The following TOP6BL variants were observed in gnomAD, a reference collection of about 807,000 sequenced individuals.
The protein encoded by TOP6BL is TOP6B like initiator of meiotic double strand breaks.
chr11:66,747,029 C>T, the TOP6BL span, among the ~76,000 whole-genome samples: 1 of 151,994 alleles, frequency 6.6e-6, no homozygotes. Flanking sequence ...CTCCACCTCC[C>T]GAGTTCAAGC....
the TOP6BL span, chr11:66,804,296 A>T: frequency 1.0e-5 from 10 of 963,270 alleles, no homozygotes; most frequent in Non-Finnish European, 1.5e-5. Context: ...ACAAATATAT[A>T]TGATTTGTAT....
chr11:66,795,500 C>T, the TOP6BL span, among the ~76,000 whole-genome samples: 1 of 151,964 alleles, frequency 6.6e-6, no homozygotes, highest in Non-Finnish European at 1.5e-5. Context: ...TGGGGTTTCA[C>T]CATTTTGGCC....
chr11:66,772,125 G>T, the TOP6BL span, among the ~76,000 whole-genome samples: 1 of 152,160 alleles, frequency 6.6e-6, no homozygotes. Flanking sequence ...GGATGACTTT[G>T]AGGGGTTCAG....
At chr11:66,804,318 A>G in the TOP6BL span, 1 of 879,958 alleles carries the variant, frequency 1.1e-6, no homozygotes, top group East Asian at 2.8e-5. Flanking sequence ...AAAACATATA[A>G]TCTAATGTGA....
At chr11:66,815,883 T>C in the TOP6BL span, 4 of 569,504 alleles carry the variant, frequency 7.0e-6, no homozygotes, top group Admixed American at 6.7e-5. Flanking sequence ...GTCATTATGA[T>C]TTGCTTCCAT....
At chr11:66,789,007 A>T in the TOP6BL span, among the ~76,000 whole-genome samples, 2 of 152,158 alleles carry the variant, frequency 1.3e-5, no homozygotes, top group South Asian at 2.1e-4. Flanking sequence ...TAATCTTAAT[A>T]ACCTCCTGAG....
the TOP6BL span, among the ~76,000 whole-genome samples, chr11:66,805,517 G>A: frequency 1.3e-5 from 2 of 151,332 alleles, no homozygotes; most frequent in Middle Eastern, 3.2e-3. Context: ...GCCAGAGTGC[G>A]GTGACACAAT....
chr11:66,838,692 G>A, the TOP6BL span, among the ~76,000 whole-genome samples: 1 of 152,066 alleles, frequency 6.6e-6, no homozygotes, highest in African/African-American at 2.4e-5. Context: ...ATGATGGGGT[G>A]GGGGTAGGTA....
At chr11:66,801,307 C>T in the TOP6BL span, 7 of 585,624 alleles carry the variant, frequency 1.2e-5, no homozygotes, top group Admixed American at 3.0e-5. Flanking sequence ...TTCTAAATGA[C>T]CTGAAGACAT....
chr11:66,842,318 C>T, the TOP6BL span, among the ~76,000 whole-genome samples: 1 of 152,248 alleles, frequency 6.6e-6, no homozygotes, highest in African/African-American at 2.4e-5. Context: ...TCTGCATCCC[C>T]TCCTAGCATC....
the TOP6BL span, chr11:66,813,973 C>T: frequency 6.2e-7 from 1 of 1,613,678 alleles, no homozygotes; most frequent in Non-Finnish European, 8.5e-7. Context: ...GAAAAAATAC[C>T]ATTTGTGTAT....
the TOP6BL span, chr11:66,761,879 G>A: frequency 9.8e-7 from 1 of 1,024,354 alleles, no homozygotes; most frequent in Non-Finnish European, 1.6e-6. Flanking sequence ...CCAGCACAAG[G>A]GCCTTCTTGC....
chr11:66,825,226 GT>G, the TOP6BL span, among the ~76,000 whole-genome samples: 1 of 149,820 alleles, frequency 6.7e-6, no homozygotes, highest in East Asian at 2.0e-4. Flanking sequence ...TGTAAGTAAT[GT>G]CAACACTTTG....
At chr11:66,839,499 C>T in the TOP6BL span, among the ~76,000 whole-genome samples, 1 of 152,190 alleles carries the variant, frequency 6.6e-6, no homozygotes, top group African/African-American at 2.4e-5. Context: ...GGGATCGTGA[C>T]GTCAGCACCT....
chr11:66,824,166 A>C, the TOP6BL span, among the ~76,000 whole-genome samples: 2 of 152,104 alleles, frequency 1.3e-5, no homozygotes, highest in African/African-American at 4.8e-5. Flanking sequence ...CCGAACTGAT[A>C]ATATTAGGAG....
At chr11:66,828,444 C>A in the TOP6BL span, 1 of 1,070,252 alleles carries the variant, frequency 9.3e-7, no homozygotes, top group Non-Finnish European at 1.4e-6. Flanking sequence ...TGGGTAGGTA[C>A]AAGTGTTTCA....
the TOP6BL span, among the ~76,000 whole-genome samples, chr11:66,841,682 A>AGGT: frequency 9.2e-3 from 1,396 of 152,276 alleles, 21 homozygotes; most frequent in African/African-American, 0.031. Context: ...TAGCCAGGCA[A>AGGT]GGTGGTGTGT....
chr11:66,777,439 GA>G, the TOP6BL span, among the ~76,000 whole-genome samples: 4 of 152,074 alleles, frequency 2.6e-5, no homozygotes, highest in Non-Finnish European at 4.4e-5. Context: ...TGGTTATTCT[GA>G]ATACACAGTT....
chr11:66,839,002 A>G, the TOP6BL span: 2 of 395,890 alleles, frequency 5.1e-6, no homozygotes, highest in Non-Finnish European at 1.0e-5. Flanking sequence ...AAGTGCTGGG[A>G]TTACAGGCGT....
Sources: gnomAD v4.1 joint callset for allele counts (sites outside exome capture counted in the v4.1 genomes callset) on GRCh38, gnomAD v4.1.1 for gene constraint, MANE v1.5 for transcripts, NCBI Gene and HGNC (gene_info 2026-07-23, HGNC 2026-07-21) for gene names.